The following TEX14 variants were observed in gnomAD, a reference collection of about 807,000 sequenced individuals.
TEX14 encodes the protein inactive serine/threonine-protein kinase TEX14.
A neutral mutation model predicts 178.6 loss-of-function variants in TEX14; 168 were observed. The observed-to-expected ratio is 0.94, with a 90% CI of 0.83 to 1.07. The LOEUF (loss-of-function observed/expected upper bound fraction) is 1.07, where lower values mean the gene tolerates loss of function less well. Ranked by LOEUF, TEX14 falls within the 50% of genes least tolerant of loss-of-function variation. The pLI is 0.00. For missense variants in TEX14, 1,730 were observed against 1,753.6 expected, an observed-to-expected ratio of 0.99 and a Z score of 0.24; for synonymous variants, 626 against 634.1, an observed-to-expected ratio of 0.99 and a Z score of 0.19.
At chr17:58,691,762 C>G (rs538976295) in intron 1 of TEX14, among the ~76,000 whole-genome samples, 177 bp downstream of exon 1, 5 of 151,662 alleles carry the variant, frequency 3.3e-5, no homozygotes, top group African/African-American at 1.2e-4. Flanking sequence ...ACTCATAAAC[C>G]ACCTTCTAAA....
Position 58,593,893 on chromosome 17 carries a change from G to A in TEX14, c.2470-232C>T, listed in dbSNP as rs557258689. 2.6e-4 allele frequency among the ~76,000 whole-genome samples: 39 copies of A among 152,140 alleles called. No individual in the cohort carries two copies. In the South Asian group the frequency reaches 8.1e-3, roughly 32 times the overall value. The stretch of plus-strand genomic sequence containing the variant: ...CTCTGTCACCAGGCTGGAGTGCAGT[G>A]GCAAGATCCTGGCTCACTGCAACCT... On this transcript the variant is annotated intron_variant, in intron 14 of 31. Coordinates refer to ENST00000349033, the MANE Select transcript of TEX14 (RefSeq NM_031272.5).
chr17:58,659,062 A>G (rs548458485), intron 1 of TEX14, among the ~76,000 whole-genome samples: 57 of 148,788 alleles, frequency 3.8e-4, no homozygotes, highest in Admixed American at 2.2e-3. Context: ...CCACAACTCC[A>G]AAACCAAACG....
At chr17:58,654,417 G>C (rs963286817) in intron 1 of TEX14, among the ~76,000 whole-genome samples, 2 of 150,056 alleles carry the variant, frequency 1.3e-5, no homozygotes, top group Admixed American at 6.7e-5. Flanking sequence ...TAGATTGAAT[G>C]AAACACTCCA....
At chr17:58,602,287 T>G in intron 12 of TEX14, 113 bp downstream of exon 12, 1 of 1,013,440 alleles carries the variant, frequency 9.9e-7, no homozygotes, top group Non-Finnish European at 1.5e-6. Flanking sequence ...TGTAATAAAA[T>G]GAGGATTTCC....
rs1007893515 is a variant in TEX14, at chr17:58,691,952, G to T, written c.-15C>A. The T allele has an allele frequency of 4.6e-5, 7 of 152,760 alleles. No individual in the cohort carries two copies. The highest frequency in any genetic ancestry group is 1.7e-4 in the African/African-American group (7 of 41,394). The allele number at this position is 152,760 out of a possible 1,614,324, so 9.5% of individuals were successfully genotyped here. On this transcript the variant is annotated 5_prime_UTR_variant, in exon 1 of 32. Transcript: ENST00000349033. Reference sequence around the variant, plus strand: ...TTAGTTGCTTACTTTTCCAGCTACTGCTTAAGCTAGGCAGGCCATGAAGAA... The same window carrying T: ...TTAGTTGCTTACTTTTCCAGCTACTTCTTAAGCTAGGCAGGCCATGAAGAA...
intron 11 of TEX14, among the ~76,000 whole-genome samples, chr17:58,603,929 GTGTGTGTGTGTGTGTGTC>G (rs2045541397): frequency 7.1e-6 from 1 of 141,058 alleles, no homozygotes; most frequent in Non-Finnish European, 1.6e-5. Context: ...GTGTGTGTGT[GTGTGTGTGTGTGTGTGTC>G]TTTCTTTTGA....
intron 3 of TEX14, among the ~76,000 whole-genome samples, chr17:58,628,810 G>A (rs1027130772): frequency 2.0e-5 from 3 of 151,450 alleles, no homozygotes; most frequent in African/African-American, 4.9e-5. Context: ...ACTTGAACAC[G>A]GGAGGCGGAG....
chr17:58,655,580 A>T (rs1680821557), intron 1 of TEX14, among the ~76,000 whole-genome samples: 2 of 152,098 alleles, frequency 1.3e-5, no homozygotes, highest in African/African-American at 4.8e-5. Context: ...TTGGCCTCCC[A>T]AAGTGCTGGG....
In TEX14 at chr17:58,586,020, G is replaced by T. The variant is rs754434025; in HGVS notation, c.2851C>A (p.Pro951Thr). The change falls in exon 18 of 32, where the codon CCT becomes ACT. Residue 951 changes from proline (P) to threonine (T), a missense_variant. Transcript: ENST00000349033. ...CTCTCTAAAGTCAGACTACTCTGAG[G>T]ATGCCAAGGAGGTACTGTGAGCTGT... ...TGQLTVPPWHPQSSLTLESEA... is the reference protein window; with the variant it reads ...TGQLTVPPWHTQSSLTLESEA... 17 of 1,614,118 alleles carry T rather than the reference G, an allele frequency of 1.1e-5. No individual in the cohort carries two copies. The highest frequency in any genetic ancestry group is 1.4e-5 in the Non-Finnish European group (16 of 1,180,016).
intron 1 of TEX14, among the ~76,000 whole-genome samples, chr17:58,673,676 C>G (rs887266304): frequency 6.6e-6 from 1 of 152,000 alleles, no homozygotes; most frequent in Admixed American, 6.6e-5. Flanking sequence ...ATCCTCCCAC[C>G]TCACCCTCCC....
In TEX14 at chr17:58,625,884, G is replaced by A. The variant is rs568369340; in HGVS notation, c.252-2872C>T. Among the ~76,000 whole-genome samples the A allele has an allele frequency of 1.4e-4, 22 of 152,046 alleles. No individual in the cohort carries two copies. In the East Asian group the frequency reaches 4.3e-3, roughly 29 times the overall value. On this transcript the variant is annotated intron_variant, in intron 3 of 31. Transcript: ENST00000349033. Reference sequence around the variant, plus strand: ...GCCTCCTGAGTAGCTGGGACTACAGGCGCCCGCCACCATGGCTGGCTAATT... The same window carrying A: ...GCCTCCTGAGTAGCTGGGACTACAGACGCCCGCCACCATGGCTGGCTAATT...
In TEX14 at chr17:58,615,363, A is replaced by G; in HGVS notation, c.768-18T>C. ...ACACTAGGCTACAAGGACAGGAAAGAGTTTCAGCAGAAAGGAGTGAGCAGC... is the reference window on the plus strand; with the variant it reads ...ACACTAGGCTACAAGGACAGGAAAGGGTTTCAGCAGAAAGGAGTGAGCAGC... On this transcript the variant is annotated intron_variant, in intron 7 of 31. Coordinates refer to ENST00000349033, the MANE Select transcript of TEX14 (RefSeq NM_031272.5). The G allele has an allele frequency of 6.7e-7, 1 of 1,497,884 alleles. No individual in the cohort carries two copies. The highest frequency in any genetic ancestry group is 9.3e-7 in the Non-Finnish European group (1 of 1,074,396). 92.8% of individuals were successfully genotyped at this position (1,497,884 alleles called of 1,614,324 possible).
At chr17:58,634,340 G>A (rs2046386544) in intron 2 of TEX14, among the ~76,000 whole-genome samples, 1 of 152,130 alleles carries the variant, frequency 6.6e-6, no homozygotes, top group Non-Finnish European at 1.5e-5. Context: ...TTGAACCCGA[G>A]AGGTAGAGGT....
intron 11 of TEX14, among the ~76,000 whole-genome samples, chr17:58,603,948 T>TGTGTGTGTGTGTGTGTGTGTG (rs2045543002): frequency 6.9e-6 from 1 of 144,090 alleles, no homozygotes; most frequent in African/African-American, 2.6e-5. Flanking sequence ...TGTGTGTGTC[T>TGTGTGTGTGTGTGTGTGTGTG]TTCTTTTGAA....
chr17:58,574,275 A>G (rs767855193), intron 21 of TEX14, 26 bp from the exon 22 acceptor site: 1 of 1,573,254 alleles, frequency 6.4e-7, no homozygotes, highest in Admixed American at 1.7e-5. Context: ...TAAGAAAATT[A>G]CATAAATCCC....
intron 2 of TEX14, among the ~76,000 whole-genome samples, chr17:58,633,051 A>G (rs1041498059): frequency 3.0e-4 from 45 of 152,218 alleles, no homozygotes; most frequent in African/African-American, 8.9e-4. Flanking sequence ...TCTCGAGTCC[A>G]TCTCTCAAGT....
At chr17:58,630,812 A>G (rs2046269980) in intron 2 of TEX14, among the ~76,000 whole-genome samples, 1 of 152,224 alleles carries the variant, frequency 6.6e-6, no homozygotes. Context: ...ATATTATAAA[A>G]TGGATTAAAA....
At chr17:58,644,363 C>T (rs1021018850) in intron 2 of TEX14, among the ~76,000 whole-genome samples, 39 of 152,262 alleles carry the variant, frequency 2.6e-4, no homozygotes, top group African/African-American at 7.5e-4. Flanking sequence ...GACGGAGTCT[C>T]GCTCTGTCAC....
intron 5 of TEX14, among the ~76,000 whole-genome samples, chr17:58,620,391 A>G (rs1274496941): frequency 1.3e-5 from 2 of 152,114 alleles, no homozygotes; most frequent in African/African-American, 4.8e-5. Flanking sequence ...GTGCAGTTGC[A>G]TGATCTTGGC....
Sources: gnomAD v4.1 joint callset for allele counts (sites outside exome capture counted in the v4.1 genomes callset) on GRCh38, gnomAD v4.1.1 for gene constraint, MANE v1.5 for transcripts, NCBI Gene and HGNC (gene_info 2026-07-23, HGNC 2026-07-21) for gene names.